P4HA1: variants seen among roughly 807,000 people sequenced by gnomAD.
P4HA1 encodes prolyl 4-hydroxylase subunit alpha 1.
In P4HA1, 24 loss-of-function variants were observed where a neutral mutation model predicts 72.8. That is an observed-to-expected ratio of 0.33 (90% CI 0.24 to 0.46). P4HA1 has a LOEUF of 0.46. Ranked by LOEUF, P4HA1 falls within the 20% of genes least tolerant of loss-of-function variation. P4HA1 has a pLI of 1.00. For synonymous variants in P4HA1, 201 were observed against 218.8 expected (o/e 0.92, Z 0.72); for missense variants, 446 against 640.6 (o/e 0.70, Z 3.28).
intron 5 of P4HA1, among the ~76,000 whole-genome samples, chr10:73,058,572 T>C (rs1215351186): frequency 1.3e-5 from 2 of 152,156 alleles, no homozygotes; most frequent in South Asian, 4.1e-4. Flanking sequence ...GTCTTGCTAC[T>C]GCCCAAGACC....
At chr10:73,011,832 C>A (rs1487325800) in intron 12 of P4HA1, among the ~76,000 whole-genome samples, 1 of 151,716 alleles carries the variant, frequency 6.6e-6, no homozygotes, top group Non-Finnish European at 1.5e-5. Flanking sequence ...CAAATGCTAT[C>A]CAAGGAAAAC....
intron 6 of P4HA1, among the ~76,000 whole-genome samples, chr10:73,052,039 CA>C (rs2133098361): frequency 1.3e-5 from 2 of 152,236 alleles, no homozygotes; most frequent in African/African-American, 4.8e-5. Context: ...GAGTGAAGTT[CA>C]GTCCCAAATT....
At chr10:73,021,309 G>A (rs867615364) in intron 10 of P4HA1, among the ~76,000 whole-genome samples, 7 of 152,154 alleles carry the variant, frequency 4.6e-5, no homozygotes, top group Non-Finnish European at 4.4e-5. Flanking sequence ...AGCAATCCCA[G>A]TGCCAAGTAT....
intron 9 of P4HA1, among the ~76,000 whole-genome samples, chr10:73,040,476 A>ATTTT (rs1217054869): frequency 8.1e-6 from 1 of 123,588 alleles, no homozygotes; most frequent in African/African-American, 3.7e-5. Context: ...GAATTCATGA[A>ATTTT]TTTTTTTTTT....
chr10:73,078,158 A>T (rs995390265), intron 1 of P4HA1, among the ~76,000 whole-genome samples: 4 of 152,016 alleles, frequency 2.6e-5, no homozygotes, highest in African/African-American at 9.7e-5. Context: ...ACAAATCAAT[A>T]AGAAAACCAC....
At chr10:73,055,716 T>C (rs1404815816) in intron 5 of P4HA1, among the ~76,000 whole-genome samples, 1 of 152,172 alleles carries the variant, frequency 6.6e-6, no homozygotes, top group African/African-American at 2.4e-5. Flanking sequence ...AAAATATAAA[T>C]AGAAAACACT....
intron 1 of P4HA1, among the ~76,000 whole-genome samples, chr10:73,095,021 G>GTCCT (rs915224100): frequency 1.3e-5 from 2 of 152,002 alleles, no homozygotes; most frequent in African/African-American, 4.8e-5. Context: ...GACAGAAATA[G>GTCCT]TCCTTTTCCT....
intron 10 of P4HA1, among the ~76,000 whole-genome samples, chr10:73,027,036 G>A (rs1210541626): frequency 2.0e-5 from 3 of 152,220 alleles, no homozygotes; most frequent in South Asian, 2.1e-4. Context: ...GGAAGACAGT[G>A]TGGTGATTTC....
chr10:73,072,852 G>A (rs922024807), intron 3 of P4HA1, among the ~76,000 whole-genome samples: 1 of 152,134 alleles, frequency 6.6e-6, no homozygotes, highest in African/African-American at 2.4e-5. Flanking sequence ...GAAGAGGATA[G>A]AAGATATTAG....
At chr10:73,079,816 G>C (rs113945236) in intron 1 of P4HA1, among the ~76,000 whole-genome samples, 3 of 152,120 alleles carry the variant, frequency 2.0e-5, no homozygotes, top group African/African-American at 4.8e-5. Context: ...TTATCTAGCA[G>C]TGAACTAGGC....
Position 73,051,117 on chromosome 10 carries a change from G to A in P4HA1, c.836C>T (p.Ala279Val). ...QKTTPKKKGV[A>V]VDYLPERQKY... ...CTGTCTCTCTGGCAGGTAATCCACAGCAACCCCTTTTTTCTTTGGTGTAGT... is the reference window on the plus strand; with the variant it reads ...CTGTCTCTCTGGCAGGTAATCCACAACAACCCCTTTTTTCTTTGGTGTAGT... The change falls in exon 7 of 15, where the codon GCT (alanine) becomes GTT (valine). Residue 279 changes from alanine to valine, a missense_variant. Coordinates refer to ENST00000394890, the MANE Select transcript of P4HA1 (RefSeq NM_001017962.3). The A allele has an allele frequency of 6.2e-7, 1 of 1,613,988 alleles. No individual in the cohort carries two copies. The highest frequency in any genetic ancestry group is 8.5e-7 in the Non-Finnish European group (1 of 1,179,960).
chr10:73,032,617 C>T (rs1025229833), intron 9 of P4HA1, among the ~76,000 whole-genome samples: 3 of 152,204 alleles, frequency 2.0e-5, no homozygotes, highest in Non-Finnish European at 4.4e-5. Context: ...AAGGCTAGTG[C>T]GTATGCTCTT....
At chr10:73,028,983 C>T (rs923157855) in intron 10 of P4HA1, among the ~76,000 whole-genome samples, 4 of 150,092 alleles carry the variant, frequency 2.7e-5, no homozygotes, top group African/African-American at 9.8e-5. Context: ...AAGCAGAGGT[C>T]GCACTGATCC....
intron 9 of P4HA1, among the ~76,000 whole-genome samples, chr10:73,031,026 G>C (rs1840421594): frequency 6.6e-6 from 1 of 152,008 alleles, no homozygotes; most frequent in Admixed American, 6.5e-5. Context: ...ATATCCAAGA[G>C]AAATTAAATC....
intron 10 of P4HA1, among the ~76,000 whole-genome samples, chr10:73,027,914 A>C (rs948986968): frequency 1.6e-4 from 24 of 148,514 alleles, no homozygotes; most frequent in Non-Finnish European, 7.4e-5. Context: ...AGAATCAGAA[A>C]TCATAGCCAG....
intron 6 of P4HA1, among the ~76,000 whole-genome samples, chr10:73,052,856 T>C (rs1841051248): frequency 1.3e-5 from 2 of 152,192 alleles, no homozygotes. Context: ...ATCCAAGTAA[T>C]TCTGATGCAC....
Position 73,051,228 on chromosome 10 carries a change from T to C in P4HA1, c.725A>G (p.Asn242Ser). ...ATACTCAAAATATTTTAAGTTACCA[T>C]TAGCTCTCTGATGTTCAGGATCTAT... ...LELDPEHQRANGNLKYFEYIM... is the reference protein window; with the variant it reads ...LELDPEHQRASGNLKYFEYIM... Residue 242 changes from asparagine to serine, a missense_variant, in exon 7 of 15, where the codon AAT becomes AGT. Coordinates refer to ENST00000394890, the MANE Select transcript of P4HA1 (RefSeq NM_001017962.3). 6.3e-7 allele frequency: 1 copy of C among 1,591,800 alleles called. No homozygotes were observed. The highest frequency in any genetic ancestry group is 8.6e-7 in the Non-Finnish European group (1 of 1,160,998).
At chr10:73,096,101 C>T (rs1386332868) in intron 1 of P4HA1, among the ~76,000 whole-genome samples, 1 of 152,216 alleles carries the variant, frequency 6.6e-6, no homozygotes, top group South Asian at 2.1e-4. Flanking sequence ...GCTTCCCTGA[C>T]GACGAGGTGA....
chr10:73,028,127 C>T (rs1431918908), intron 10 of P4HA1, among the ~76,000 whole-genome samples: 1 of 151,852 alleles, frequency 6.6e-6, no homozygotes, highest in Non-Finnish European at 1.5e-5. Context: ...TTTTTCATGC[C>T]AAGTCATGAT....
Sources: allele counts gnomAD v4.1 joint callset (sites outside exome capture counted in the v4.1 genomes callset), GRCh38; gene constraint gnomAD v4.1.1; transcripts MANE v1.5; gene names NCBI Gene and HGNC (gene_info 2026-07-23, HGNC 2026-07-21).